The following UBR4 variants were observed in gnomAD, a reference collection of about 807,000 sequenced individuals.
UBR4 encodes the protein E3 ubiquitin-protein ligase UBR4.
A neutral mutation model predicts 575.6 loss-of-function variants in UBR4; 124 were observed. That is an observed-to-expected ratio of 0.22 (90% CI 0.19 to 0.25). UBR4 has a LOEUF of 0.25. Among genes scored for constraint, UBR4 ranks in the 10% least tolerant of loss-of-function variants. UBR4 has a pLI of 1.00. For synonymous variants in UBR4, 2,455 were observed against 2,473.7 expected (o/e 0.99, Z 0.22); for missense variants, 4,818 against 6,478.8 (o/e 0.74, Z 8.80).
chr1:19,205,387 TA>T (rs2092954166), intron 1 of UBR4, among the ~76,000 whole-genome samples: 1 of 152,202 alleles, frequency 6.6e-6, no homozygotes. Context: ...ATCTTTTTTG[TA>T]AATGGTAGAA....
chr1:19,100,650 A>T lies in UBR4; in HGVS notation c.13024-77T>A. ...TATACCATGCTACCTTGTTCCATGG[A>T]CACTCGAGGAAAACACACCAAACTC... is the stretch of plus-strand genomic sequence containing the variant. On this transcript the variant is annotated intron_variant, in intron 88 of 105. Transcript: ENST00000375254. The surrounding 1 kb of genome is among the most constrained non-coding windows in gnomAD (Gnocchi z 4.2). 2.8e-6 allele frequency: 4 copies of T among 1,425,988 alleles called. No homozygotes were observed. The highest frequency in any genetic ancestry group is 3.9e-6 in the Non-Finnish European group (4 of 1,021,190). 88.3% of individuals were successfully genotyped at this position (1,425,988 alleles called of 1,614,324 possible). A position where few individuals can be genotyped will look rare whatever the true frequency, so the allele number is the denominator to read the frequency against.
Position 19,117,487 on chromosome 1 carries a change from A to AGGCCGGGCGCGGTGGCTC in UBR4, c.10630-74_10630-73insGAGCCACCGCGCCCGGCC. On this transcript the variant is annotated intron_variant, in intron 72 of 105. Coordinates refer to ENST00000375254, the MANE Select transcript of UBR4 (RefSeq NM_020765.3). The surrounding 1 kb of genome is among the most constrained non-coding windows in gnomAD (Gnocchi z 4.0). ...TGCCTTTTTAAAAATTCATCAGTGT[A>AGGCCGGGCGCGGTGGCTC]ACCCACTCTTCATCCACAAGATGAA... The AGGCCGGGCGCGGTGGCTC allele has an allele frequency of 1.4e-6, 2 of 1,461,364 alleles. No individual in the cohort carries two copies. Among genetic ancestry groups the AGGCCGGGCGCGGTGGCTC allele is most frequent in the Non-Finnish European group, 1.9e-6 (2 of 1,063,596 alleles). The allele number at this position is 1,461,364 out of a possible 1,614,324, so 90.5% of individuals were successfully genotyped here.
chr1:19,141,041 C>T (rs2083860937), intron 57 of UBR4, 149 bp from the exon 58 acceptor site: 1 of 856,564 alleles, frequency 1.2e-6, no homozygotes, highest in Non-Finnish European at 1.8e-6. Context: ...CACTGCTGTC[C>T]ACCCACCAAG....
intron 60 of UBR4, among the ~76,000 whole-genome samples, chr1:19,135,133 C>T (rs770766632): frequency 3.9e-5 from 6 of 152,080 alleles, no homozygotes; most frequent in Non-Finnish European, 7.4e-5. Flanking sequence ...ATTCTATGTG[C>T]GTTTCCAGCT....
rs1171768050 is a variant in UBR4, at chr1:19,088,002, A to AG, written c.14431-74dup. 4 of 1,222,506 alleles carry AG rather than the reference A, an allele frequency of 3.3e-6. No homozygotes were observed. The highest frequency in any genetic ancestry group is 3.5e-6 in the Non-Finnish European group (3 of 848,576). The allele number at this position is 1,222,506 out of a possible 1,614,324, so 75.7% of individuals were successfully genotyped here. A position where few individuals can be genotyped will look rare whatever the true frequency, so the allele number is the denominator to read the frequency against. ...CTCCCACCCTAGCTTGGAGATGCTC[A>AG]GGAACAGGGCTAACCTTCTACCTCC... On this transcript the variant is annotated intron_variant, in intron 98 of 105. Transcript: ENST00000375254. The surrounding 1 kb of genome is among the most constrained non-coding windows in gnomAD (Gnocchi z 4.0).
chr1:19,209,427 G>A (rs2093191606), intron 1 of UBR4, among the ~76,000 whole-genome samples: 2 of 152,202 alleles, frequency 1.3e-5, no homozygotes, highest in South Asian at 2.1e-4. Context: ...AGATAGTACC[G>A]TTTGTAAAAG....
intron 48 of UBR4, chr1:19,151,168 A>G (rs2085641627): frequency 3.0e-6 from 1 of 334,068 alleles, no homozygotes; most frequent in Non-Finnish European, 5.6e-6. Flanking sequence ...AGAAGAAAGA[A>G]TATCAGACAG....
chr1:19,163,779 A>G lies in UBR4; in HGVS notation c.4749T>C (p.Asn1583=). 6.2e-7 allele frequency: 1 copy of G among 1,614,082 alleles called. No individual in the cohort carries two copies. ...QKNVVEKLNA[N]VMHGKHVMIL... ...CTTTTCTTACCTTTCCATGCATTAC[A>G]TTGGCATTCAGTTTTTCAACTACAT... Residue 1583 remains asparagine, a synonymous_variant, in exon 34 of 106, where the codon AAT becomes AAC. Coordinates refer to ENST00000375254, the MANE Select transcript of UBR4 (RefSeq NM_020765.3).
rs150351044 is a variant in UBR4, at chr1:19,157,805, G to A, written c.5760+10C>T. 0.012 allele frequency: 19,357 copies of A among 1,611,736 alleles called. 156 individuals are homozygous for A. Among genetic ancestry groups the A allele is most frequent in the Non-Finnish European group, 0.014 (16,387 of 1,178,168 alleles). On this transcript the variant is annotated intron_variant, in intron 40 of 105. Coordinates refer to ENST00000375254, the MANE Select transcript of UBR4 (RefSeq NM_020765.3). The surrounding 1 kb of genome is among the most constrained non-coding windows in gnomAD (Gnocchi z 4.4). Reference sequence around the variant, plus strand: ...ACCTAAAGTAAGCGCACAAGAATTGGAGGACCCACCTTGCCCTTCTCATGG... The same window carrying A: ...ACCTAAAGTAAGCGCACAAGAATTGAAGGACCCACCTTGCCCTTCTCATGG...
chr1:19,186,786 T>G, intron 13 of UBR4, 129 bp from the exon 14 acceptor site: 1 of 776,708 alleles, frequency 1.3e-6, no homozygotes, highest in Non-Finnish European at 2.0e-6. Flanking sequence ...CTCCCTTAAT[T>G]AAGGACTTTC....
chr1:19,151,483 C>A (rs1000805470), intron 48 of UBR4, 160 bp downstream of exon 48: 2 of 745,766 alleles, frequency 2.7e-6, no homozygotes, highest in Non-Finnish European at 2.3e-6. Flanking sequence ...TGTCACCTTG[C>A]CTCTTTAATA....
intron 20 of UBR4, 127 bp from the exon 21 acceptor site, chr1:19,175,160 G>A: frequency 2.3e-6 from 2 of 879,458 alleles, no homozygotes; most frequent in Non-Finnish European, 3.3e-6. Context: ...GACATCTGGA[G>A]CCAGATAAGT....
chr1:19,077,577 A>T (rs2146867), intron 104 of UBR4, among the ~76,000 whole-genome samples: 103,660 of 152,074 alleles, frequency 0.68, 36,252 homozygotes, highest in African/African-American at 0.82. Flanking sequence ...CTACTAAAAA[A>T]ACAAAATTAG....
At chr1:19,119,115 T>C (rs1035051918) in intron 70 of UBR4, among the ~76,000 whole-genome samples, 158 bp from the exon 71 acceptor site, 1 of 152,262 alleles carries the variant, frequency 6.6e-6, no homozygotes, top group African/African-American at 2.4e-5. Context: ...ATCATTTAAA[T>C]GGATTCTATC....
intron 75 of UBR4, among the ~76,000 whole-genome samples, chr1:19,114,439 G>A (rs528801425): frequency 4.6e-5 from 7 of 151,942 alleles, no homozygotes; most frequent in South Asian, 4.2e-4. Flanking sequence ...ACCTCCCCCC[G>A]CCCCTGCCCA....
chr1:19,156,254 A>T lies in UBR4; in HGVS notation c.6072+17T>A, dbSNP rs1177853655. 6.2e-7 allele frequency: 1 copy of T among 1,613,046 alleles called. No individual in the cohort carries two copies. The highest frequency in any genetic ancestry group is 1.7e-5 in the Admixed American group (1 of 59,798). ...GAAAAATTCTAGGACCATATCATCA[A>T]AGAACTGTAACTGTACCTTAACAAA... is the stretch of plus-strand genomic sequence containing the variant. On this transcript the variant is annotated intron_variant, in intron 42 of 105. Transcript: ENST00000375254.
chr1:19,104,267 C>T lies in UBR4; in HGVS notation c.12728-10G>A. The T allele has an allele frequency of 6.2e-7, 1 of 1,613,308 alleles. No individual in the cohort carries two copies. Among genetic ancestry groups the T allele is most frequent in the Non-Finnish European group, 8.5e-7 (1 of 1,179,442 alleles). The stretch of plus-strand genomic sequence containing the variant: ...AAGGAGGAGAGAAGGCCTGTGGAGA[C>T]AGGAAAATGTTGCTGTGAGAGCTCT... On this transcript the variant is annotated splice_polypyrimidine_tract_variant and intron_variant, in intron 86 of 105. Coordinates refer to ENST00000375254, the MANE Select transcript of UBR4 (RefSeq NM_020765.3).
chr1:19,109,932 C>T (rs1457799668), intron 81 of UBR4, among the ~76,000 whole-genome samples, 164 bp downstream of exon 81: 1 of 152,228 alleles, frequency 6.6e-6, no homozygotes, highest in African/African-American at 2.4e-5. Flanking sequence ...TCTCAAAAAT[C>T]CCAACCCATA....
intron 60 of UBR4, 95 bp from the exon 61 acceptor site, chr1:19,129,169 G>T: frequency 9.7e-7 from 1 of 1,030,604 alleles, no homozygotes; most frequent in Middle Eastern, 2.7e-4. Flanking sequence ...TGCTACCAAG[G>T]TCAACAAGAA....
Sources: allele counts gnomAD v4.1 joint callset (sites outside exome capture counted in the v4.1 genomes callset), GRCh38; gene constraint gnomAD v4.1.1; non-coding constraint Gnocchi (gnomAD v3.1); transcripts MANE v1.5; gene names NCBI Gene and HGNC (gene_info 2026-07-23, HGNC 2026-07-21).